CUBN: variants seen among roughly 807,000 people sequenced by gnomAD.
The protein encoded by CUBN is 460 kDa receptor.
CUBN carries 282 observed loss-of-function variants against 405.3 expected under a neutral mutation model. The observed-to-expected ratio is 0.70, with a 90% CI of 0.63 to 0.77. The LOEUF is 0.77. CUBN is among the 30% of genes least tolerant of loss of function. The pLI, the probability that CUBN is intolerant of heterozygous loss-of-function variation, is 0.00. For synonymous variants in CUBN, 1,684 were observed against 1,617.0 expected (o/e 1.04, Z -0.99); for missense variants, 4,514 against 4,475.2 (o/e 1.01, Z -0.25).
chr10:16,940,106 C>T lies in CUBN; in HGVS notation c.5474G>A (p.Gly1825Glu). 1 of 1,614,120 alleles carries T rather than the reference C, an allele frequency of 6.2e-7. No individual in the cohort carries two copies. The highest frequency in any genetic ancestry group is 8.5e-7 in the Non-Finnish European group (1 of 1,179,992). Residue 1825 changes from glycine to glutamate, a missense_variant, in exon 37 of 67, where the codon GGA (glycine) becomes GAA (glutamate). This residue lies in a region of CUBN where 1,613 missense variants were observed against 1,542.8 expected (regional missense o/e 1.05). Coordinates refer to ENST00000377833, the MANE Select transcript of CUBN (RefSeq NM_001081.4). ...GATAAATCTGACCCACAGGGTATGT[C>T]CAACGATGGAAGAATAATTGAGAGG... is the stretch of plus-strand genomic sequence containing the variant. ...SFPLNYSSIVGHTLWVRFISD... is the reference protein window; with the variant it reads ...SFPLNYSSIVEHTLWVRFISD...
chr10:16,892,139 C>T (rs1247486206), intron 54 of CUBN, among the ~76,000 whole-genome samples: 3 of 152,168 alleles, frequency 2.0e-5, no homozygotes, highest in Non-Finnish European at 2.9e-5. Flanking sequence ...TGATTCATAG[C>T]ATTGGTTTAA....
In CUBN at chr10:16,840,503, T is replaced by C; in HGVS notation, c.9859A>G (p.Thr3287Ala). The change falls in exon 62 of 67, where the codon ACC becomes GCC. Residue 3287 changes from threonine to alanine, a missense_variant. This residue lies in a region of CUBN where 1,186 missense variants were observed against 1,186.9 expected (regional missense o/e 1.00). Coordinates refer to ENST00000377833, the MANE Select transcript of CUBN (RefSeq NM_001081.4). ...PCGGTYNATW[T>A]PQNISSPNSS... The stretch of plus-strand genomic sequence containing the variant: ...TTGGGTGATGAAATATTTTGTGGGG[T>C]CCAAGTTGCATTGTATGTTCCACCA... 2.5e-6 allele frequency: 4 copies of C among 1,610,406 alleles called. No homozygotes were observed. Among genetic ancestry groups the C allele is most frequent in the Non-Finnish European group, 2.5e-6 (3 of 1,178,144 alleles).
At chr10:17,043,742 C>T (rs923551616) in intron 26 of CUBN, 85 bp downstream of exon 26, 1 of 1,576,972 alleles carries the variant, frequency 6.3e-7, no homozygotes, top group Non-Finnish European at 8.7e-7. Context: ...TACATACTTA[C>T]TCTGCCAGTA....
chr10:17,020,803 GTTTCA>G (rs1834475111), intron 27 of CUBN, among the ~76,000 whole-genome samples: 1 of 152,022 alleles, frequency 6.6e-6, no homozygotes. Context: ...TTCTATTGTT[GTTTCA>G]TTTAAGATAT....
intron 49 of CUBN, 67 bp downstream of exon 49, chr10:16,907,441 G>A: frequency 1.3e-6 from 2 of 1,498,774 alleles, no homozygotes; most frequent in Non-Finnish European, 1.9e-6. Context: ...GCTGCCATTG[G>A]CAGTAGATGG....
intron 28 of CUBN, among the ~76,000 whole-genome samples, chr10:17,005,947 T>G (rs1242446295): frequency 6.6e-6 from 1 of 152,050 alleles, no homozygotes. Context: ...AAGGAGCAAA[T>G]TTGGACACAC....
intron 66 of CUBN, among the ~76,000 whole-genome samples, chr10:16,825,628 AGTGTGTGTGTGTGT>A (rs377156071): frequency 1.3e-3 from 182 of 136,012 alleles, no homozygotes; most frequent in African/African-American, 3.9e-3. Context: ...TCTGTGGAAC[AGTGTGTGTGTGTGT>A]GTGTGTGTGT....
At position 16,937,989 on chromosome 10, in the gene CUBN, T is replaced by C. The variant is rs72773221; in HGVS notation, c.5734-205A>G. ...GGTAATTTAATGTTTTGAAAACATTTGCATCTTTGTTGCAGAATTATATTA... is the reference window on the plus strand; with the variant it reads ...GGTAATTTAATGTTTTGAAAACATTCGCATCTTTGTTGCAGAATTATATTA... On this transcript the variant is annotated intron_variant, in intron 38 of 66. Coordinates refer to ENST00000377833, the MANE Select transcript of CUBN (RefSeq NM_001081.4). Among the ~76,000 whole-genome samples, 20,768 of 152,168 alleles carry C rather than the reference T, an allele frequency of 0.14. 3,169 individuals carry two copies. The highest frequency in any genetic ancestry group is 0.36 in the African/African-American group (14,959 of 41,446).
intron 59 of CUBN, among the ~76,000 whole-genome samples, chr10:16,859,374 T>A (rs541510667): frequency 4.6e-5 from 7 of 152,066 alleles, no homozygotes; most frequent in African/African-American, 1.7e-4. Context: ...CACGTGAAAA[T>A]TGTTCACCAT....
chr10:16,988,493 A>T (rs1833491554), intron 29 of CUBN, among the ~76,000 whole-genome samples: 1 of 152,196 alleles, frequency 6.6e-6, no homozygotes, highest in South Asian at 2.1e-4. Flanking sequence ...AATTGTCTGT[A>T]GAGCTACAGT....
At chr10:17,118,506 G>A (rs759626284) in intron 6 of CUBN, among the ~76,000 whole-genome samples, 1 of 152,008 alleles carries the variant, frequency 6.6e-6, no homozygotes, top group Non-Finnish European at 1.5e-5. Context: ...GTGCGATCTC[G>A]GCTCACTGCA....
At chr10:17,013,425 T>C (rs1834242148) in intron 28 of CUBN, among the ~76,000 whole-genome samples, 1 of 152,148 alleles carries the variant, frequency 6.6e-6, no homozygotes, top group African/African-American at 2.4e-5. Flanking sequence ...TCTCTGTCTC[T>C]CTGTCTGACT....
At chr10:17,004,386 T>C (rs1833962746) in intron 28 of CUBN, among the ~76,000 whole-genome samples, 3 of 152,242 alleles carry the variant, frequency 2.0e-5, no homozygotes, top group Admixed American at 6.5e-5. Flanking sequence ...TTCCAAAGTC[T>C]CTTTCTCTGG....
chr10:17,076,695 G>T (rs573793636), intron 17 of CUBN, among the ~76,000 whole-genome samples: 2 of 152,252 alleles, frequency 1.3e-5, no homozygotes, highest in African/African-American at 4.8e-5. Context: ...CCAACAGAGT[G>T]TGAGCAAAAG....
chr10:17,022,988 T>G (rs1334193200), intron 27 of CUBN, among the ~76,000 whole-genome samples: 1 of 152,232 alleles, frequency 6.6e-6, no homozygotes, highest in South Asian at 2.1e-4. Context: ...TCGCAGCATG[T>G]TGCGGAATTA....
chr10:17,005,233 C>G (rs890383355), intron 28 of CUBN, among the ~76,000 whole-genome samples: 20 of 152,176 alleles, frequency 1.3e-4, no homozygotes, highest in Non-Finnish European at 2.9e-4. Context: ...CTATCACTCC[C>G]TTTCCCTAGT....
Position 16,890,357 on chromosome 10 carries a change from T to C in CUBN, c.8755+14A>G, listed in dbSNP as rs1271560982. The C allele has an allele frequency of 2.5e-6, 4 of 1,612,394 alleles. No homozygotes were observed. Among genetic ancestry groups the C allele is most frequent in the Non-Finnish European group, 3.4e-6 (4 of 1,179,968 alleles). ...CCGCAAAGACCTCTGGGTTTGGTTC[T>C]TAGGGCTACTTACGGCTAACAAAGG... On this transcript the variant is annotated intron_variant, in intron 55 of 66. Transcript: ENST00000377833.
intron 58 of CUBN, among the ~76,000 whole-genome samples, chr10:16,871,960 C>T (rs1374680008): frequency 6.6e-6 from 1 of 152,166 alleles, no homozygotes; most frequent in Non-Finnish European, 1.5e-5. Context: ...TGTGGTGGCT[C>T]ACACCTGCAA....
rs761989468 is a variant in CUBN at position 16,874,539 on chromosome 10, C to A, written c.9107-36G>T. On this transcript the variant is annotated intron_variant, in intron 57 of 66. Coordinates refer to ENST00000377833, the MANE Select transcript of CUBN (RefSeq NM_001081.4). ...AGACAAGGGAATATGAAGAGAACAACGATTAGTCCCAGCATGGAAAAATGA... is the reference window on the plus strand; with the variant it reads ...AGACAAGGGAATATGAAGAGAACAAAGATTAGTCCCAGCATGGAAAAATGA... 4 of 1,612,960 alleles carry A rather than the reference C, an allele frequency of 2.5e-6. No individual in the cohort carries two copies. In the South Asian group the frequency reaches 3.3e-5, roughly 13 times the overall value.
Sources: gnomAD v4.1 joint callset for allele counts (sites outside exome capture counted in the v4.1 genomes callset) on GRCh38, gnomAD v4.1.1 for gene constraint, gnomAD v4.1.1 regional missense constraint, MANE v1.5 for transcripts, NCBI Gene and HGNC (gene_info 2026-07-23, HGNC 2026-07-21) for gene names.